Variants in ATXN1 observed in about 807,000 individuals in gnomAD.
ATXN1 encodes the protein ataxin-1.
A neutral mutation model predicts 56.4 loss-of-function variants in ATXN1; 8 were observed. The ratio of observed to expected loss-of-function variants is 0.14; its 90% CI spans 0.08 to 0.26. The LOEUF (loss-of-function observed/expected upper bound fraction) is 0.26, where lower values mean the gene tolerates loss of function less well. Ranked by LOEUF, ATXN1 falls within the 10% of genes least tolerant of loss-of-function variation. ATXN1 has a pLI of 1.00. For missense variants in ATXN1, 987 were observed against 1,106.5 expected, an observed-to-expected ratio of 0.89 and a Z score of 1.53; for synonymous variants, 514 against 494.6, an observed-to-expected ratio of 1.04 and a Z score of -0.52.
intron 2 of ATXN1, chr6:16,738,315 C>A (rs939211529): frequency 6.6e-6 from 1 of 152,206 alleles, no homozygotes; most frequent in Admixed American, 6.5e-5. Context: ...GTTCCTTAAA[C>A]CGCTAACACT....
chr6:16,461,050 C>T (rs1759983922), intron 6 of ATXN1, among the ~76,000 whole-genome samples: 1 of 152,184 alleles, frequency 6.6e-6, no homozygotes, highest in African/African-American at 2.4e-5. Context: ...AAGGAGGTGG[C>T]AGTGTTACAC....
At position 16,498,162 on chromosome 6, in the gene ATXN1, C is replaced by T. The variant is rs991151887; in HGVS notation, c.-298-12053G>A. On this transcript the variant is annotated intron_variant, in intron 5 of 7. Coordinates refer to ENST00000436367, the MANE Select transcript of ATXN1 (RefSeq NM_001128164.2). ...ACTCCCTGTCCCCCACTCCTCTCAG[C>T]CCCTGGCAAAGACTAATCTACTTTC... Among the ~76,000 whole-genome samples the T allele has an allele frequency of 8.5e-5, 13 of 152,264 alleles. No individual in the cohort carries two copies. The East Asian group carries it at 2.5e-3, about 29-fold the overall frequency.
At chr6:16,316,865 C>T (rs1483415709) in intron 7 of ATXN1, among the ~76,000 whole-genome samples, 36 of 99,444 alleles carry the variant, frequency 3.6e-4, no homozygotes, top group South Asian at 1.7e-3. Context: ...GACTGCCTGT[C>T]TTTTTTTTTT....
chr6:16,676,883 T>C (rs1758673174), intron 2 of ATXN1, among the ~76,000 whole-genome samples: 1 of 152,202 alleles, frequency 6.6e-6, no homozygotes, highest in South Asian at 2.1e-4. Context: ...TTTTTTTCTA[T>C]TCCATCACAA....
chr6:16,687,289 G>A (rs896766747), intron 2 of ATXN1, among the ~76,000 whole-genome samples: 2 of 152,056 alleles, frequency 1.3e-5, no homozygotes, highest in African/African-American at 4.8e-5. Flanking sequence ...GATATATATC[G>A]GGTGATGACA....
chr6:16,483,407 A>AT (rs1001573235), intron 6 of ATXN1, among the ~76,000 whole-genome samples: 13 of 152,196 alleles, frequency 8.5e-5, no homozygotes, highest in African/African-American at 3.1e-4. Flanking sequence ...ACAGTTCTCC[A>AT]TGGCACAGGC....
chr6:16,398,494 AC>A (rs535316846), intron 6 of ATXN1, among the ~76,000 whole-genome samples: 200 of 152,344 alleles, frequency 1.3e-3, no homozygotes, highest in African/African-American at 4.6e-3. Flanking sequence ...ACACACACAC[AC>A]ATTTCATGAG....
chr6:16,662,554 G>A (rs1198749793), intron 2 of ATXN1, among the ~76,000 whole-genome samples: 1 of 152,158 alleles, frequency 6.6e-6, no homozygotes, highest in Non-Finnish European at 1.5e-5. Flanking sequence ...GGCTGGTCTT[G>A]AACTCTTGAC....
chr6:16,388,034 G>A (rs62387742), intron 6 of ATXN1, among the ~76,000 whole-genome samples: 3,070 of 152,260 alleles, frequency 0.02, 53 homozygotes, highest in Non-Finnish European at 0.029. Flanking sequence ...AGGTTCCTCC[G>A]ACCCCAAGTC....
chr6:16,647,771 A>G (rs953535571), intron 3 of ATXN1, among the ~76,000 whole-genome samples: 2 of 152,240 alleles, frequency 1.3e-5, no homozygotes, highest in Non-Finnish European at 2.9e-5. Flanking sequence ...TCATAACTCA[A>G]TAATGCTGGA....
chr6:16,428,534 G>A (rs1017941273), intron 6 of ATXN1, among the ~76,000 whole-genome samples: 2 of 151,750 alleles, frequency 1.3e-5, no homozygotes, highest in East Asian at 2.0e-4. Context: ...TTTCTTAAGC[G>A]CTTGCACTGT....
At chr6:16,602,390 A>AT (rs530404040) in intron 3 of ATXN1, among the ~76,000 whole-genome samples, 1 of 151,940 alleles carries the variant, frequency 6.6e-6, no homozygotes, top group African/African-American at 2.4e-5. Flanking sequence ...TAAGCTTTTA[A>AT]TTTTTTTAAT....
At chr6:16,589,917 C>A (rs561795776) in intron 3 of ATXN1, among the ~76,000 whole-genome samples, 1 of 152,160 alleles carries the variant, frequency 6.6e-6, no homozygotes, top group Non-Finnish European at 1.5e-5. Context: ...ATGATTGTTT[C>A]GGTAATCTGT....
At chr6:16,372,794 T>C (rs563529543) in intron 6 of ATXN1, among the ~76,000 whole-genome samples, 5 of 152,278 alleles carry the variant, frequency 3.3e-5, no homozygotes, top group East Asian at 1.9e-4. Context: ...CACATGTCTA[T>C]AGTCCTTGCT....
chr6:16,353,636 T>C (rs1054540679), intron 6 of ATXN1, among the ~76,000 whole-genome samples: 1 of 152,132 alleles, frequency 6.6e-6, no homozygotes, highest in Non-Finnish European at 1.5e-5. Context: ...ATTGCACCAC[T>C]GCACTCCAGC....
intron 3 of ATXN1, among the ~76,000 whole-genome samples, chr6:16,648,669 C>G (rs1763843176): frequency 6.6e-6 from 1 of 152,186 alleles, no homozygotes; most frequent in Admixed American, 6.5e-5. Flanking sequence ...AGGTTCTTTA[C>G]TCTGCAAAAC....
chr6:16,520,132 TAA>T (rs761981521), intron 5 of ATXN1, among the ~76,000 whole-genome samples: 4 of 152,154 alleles, frequency 2.6e-5, no homozygotes, highest in Non-Finnish European at 4.4e-5. Flanking sequence ...GGATTTCCCT[TAA>T]AGAGATACCA....
chr6:16,734,483 G>A (rs1184819932), intron 2 of ATXN1, among the ~76,000 whole-genome samples: 1 of 152,152 alleles, frequency 6.6e-6, no homozygotes, highest in Non-Finnish European at 1.5e-5. Context: ...TGGCTGGTGT[G>A]CATTTTTGTG....
At chr6:16,581,177 C>T (rs552274318) in intron 4 of ATXN1, among the ~76,000 whole-genome samples, 3 of 150,100 alleles carry the variant, frequency 2.0e-5, no homozygotes, top group Non-Finnish European at 4.4e-5. Flanking sequence ...GGGAAAAGAC[C>T]CCATGTTCGA....
Sources: gnomAD v4.1 joint callset for allele counts (sites outside exome capture counted in the v4.1 genomes callset) on GRCh38, gnomAD v4.1.1 for gene constraint, MANE v1.5 for transcripts, NCBI Gene and HGNC (gene_info 2026-07-23, HGNC 2026-07-21) for gene names.